Variants in TFAP2A observed in about 807,000 individuals in gnomAD.
TFAP2A encodes transcription factor AP-2-alpha.
TFAP2A carries 7 observed loss-of-function variants against 41.5 expected under a neutral mutation model. The observed-to-expected ratio is 0.17, with a 90% CI of 0.10 to 0.32. The LOEUF (loss-of-function observed/expected upper bound fraction) is 0.32, where lower values mean the gene tolerates loss of function less well. Among genes scored for constraint, TFAP2A ranks in the 10% least tolerant of loss-of-function variants. TFAP2A has a pLI of 1.00. For missense variants in TFAP2A, 416 were observed against 563.3 expected (o/e 0.74, Z 2.65); for synonymous variants, 247 against 242.8 (o/e 1.02, Z -0.16).
chr6:10,409,884 G>T lies in TFAP2A; in HGVS notation c.486+17C>A. On this transcript the variant is annotated intron_variant, in intron 2 of 6. Coordinates refer to ENST00000379613, the MANE Select transcript of TFAP2A (RefSeq NM_001372066.1). Reference sequence around the variant, plus strand: ...GGGGGCTGTGTTCCCTCCCGCGCTGGTTGCGCGGCCTCTTACCGGGACCTC... The same window carrying T: ...GGGGGCTGTGTTCCCTCCCGCGCTGTTTGCGCGGCCTCTTACCGGGACCTC... 1 of 1,548,182 alleles carries T rather than the reference G, an allele frequency of 6.5e-7. No homozygotes were observed.
In TFAP2A at chr6:10,398,068, A is replaced by T; in HGVS notation, c.*349T>A. The T allele has an allele frequency of 3.5e-6, 4 of 1,143,852 alleles. No homozygotes were observed. Among genetic ancestry groups the T allele is most frequent in the South Asian group, 2.8e-5 (1 of 35,812 alleles). The allele number at this position is 1,143,852 out of a possible 1,614,324, so 70.9% of individuals were successfully genotyped here. On this transcript the variant is annotated 3_prime_UTR_variant, in exon 7 of 7. Transcript: ENST00000379613. This position sits in a 1 kb window ranked among gnomAD's most constrained non-coding sequence, Gnocchi z 5.3. ...TTTGTTGTTGTTGTTGCTGTTGTTG[A>T]TTTGTTGTTTTGTTTAAAAAAAAAA...
chr6:10,411,548 CG>C lies in TFAP2A; in HGVS notation c.52-1214del, dbSNP rs764640370. 7 of 1,610,784 alleles carry C rather than the reference CG, an allele frequency of 4.3e-6. No homozygotes were observed. The Middle Eastern group carries it at 5.0e-4, about 114-fold the overall frequency. ...AATCCAATTCCTAAAGAAACAGCAA[CG>C]GGGGTGGGGATGGGACTCACCATGG... On this transcript the variant is annotated intron_variant, in intron 1 of 6. Transcript: ENST00000379613.
intron 4 of TFAP2A, among the ~76,000 whole-genome samples, chr6:10,403,632 T>C (rs576886105): frequency 1.3e-5 from 2 of 152,090 alleles, no homozygotes; most frequent in Non-Finnish European, 2.9e-5. Context: ...TCCGGGTAAG[T>C]TCAACACAAG....
At chr6:10,414,774 C>T (rs1421004589) in intron 1 of TFAP2A, 167 bp downstream of exon 1, 2 of 905,192 alleles carry the variant, frequency 2.2e-6, no homozygotes, top group South Asian at 2.8e-5. Context: ...CCTCTCTCTG[C>T]AGCTTCTCCC....
rs1210141403 is a variant in TFAP2A, at chr6:10,404,279, C to A, written c.770+229G>T. Among the ~76,000 whole-genome samples, 3 of 152,228 alleles carry A rather than the reference C, an allele frequency of 2.0e-5. No homozygotes were observed. In the East Asian group the frequency reaches 5.8e-4, roughly 29 times the overall value. On this transcript the variant is annotated intron_variant, in intron 4 of 6. Transcript: ENST00000379613. ...GCAGCGAACGAAGCGCGCACCAGAA[C>A]TCGCTCGCGGGAAAGCAGCGGAGAG...
intron 1 of TFAP2A, chr6:10,411,801 C>T: frequency 3.5e-6 from 5 of 1,440,162 alleles, no homozygotes; most frequent in Non-Finnish European, 4.6e-6. Flanking sequence ...ATTCGCGCGG[C>T]GCCTTCAGCT....
chr6:10,402,097 C>T (rs987489252), intron 5 of TFAP2A: 7 of 362,988 alleles, frequency 1.9e-5, no homozygotes, highest in Admixed American at 3.8e-5. Context: ...TAAATCAGGA[C>T]GCAGGTCAAA....
intron 5 of TFAP2A, chr6:10,402,072 C>A: frequency 2.8e-6 from 1 of 351,960 alleles, no homozygotes; most frequent in South Asian, 2.2e-5. Flanking sequence ...TAACCCTGAG[C>A]TTTCAGGATG....
upstream of TFAP2A, chr6:10,415,733 G>A (rs1298215697): frequency 2.6e-5 from 4 of 152,436 alleles, no homozygotes; most frequent in African/African-American, 9.7e-5. Flanking sequence ...GACCGGCGAA[G>A]TCACTCCAGG....
chr6:10,415,404 G>T, upstream of TFAP2A: 1 of 568,980 alleles, frequency 1.8e-6, no homozygotes, highest in Non-Finnish European at 2.5e-6. Context: ...TCTACGCCGC[G>T]AACTTGCTTC....
At chr6:10,415,100 G>A, upstream of TFAP2A, 5 of 1,604,934 alleles carry the variant, frequency 3.1e-6, no homozygotes, top group Non-Finnish European at 4.2e-6. Flanking sequence ...AGGAGGAGGA[G>A]GAGGGAGAGG....
At chr6:10,400,726 A>G (rs753893182) in intron 5 of TFAP2A, 137 bp from the exon 6 acceptor site, 1 of 1,053,726 alleles carries the variant, frequency 9.5e-7, no homozygotes, top group South Asian at 1.3e-5. Flanking sequence ...TTCTCATTTC[A>G]GGCATTTTAT....
chr6:10,411,613 G>A lies in TFAP2A; in HGVS notation c.52-1278C>T, dbSNP rs1757973837. On this transcript the variant is annotated intron_variant, in intron 1 of 6. Transcript: ENST00000379613. ...AACTAACATCTGCGAAGAGTCTGGG[G>A]TAACGAGTCAGGGTGGAAAAAAACA... 1.9e-6 allele frequency: 3 copies of A among 1,613,848 alleles called. No homozygotes were observed. In the South Asian group the frequency reaches 3.3e-5, roughly 18 times the overall value.
In TFAP2A at chr6:10,398,591, G is replaced by A. The variant is rs780192295; in HGVS notation, c.1146C>T (p.Asn382=). The A allele has an allele frequency of 6.2e-7, 1 of 1,614,248 alleles. No homozygotes were observed. The highest frequency in any genetic ancestry group is 1.1e-5 in the South Asian group (1 of 91,090). ...PGIQSCLTHF[N]LISHGFGSPA... ...GGCTGCCGAAGCCGTGGGAGATGAGGTTGAAGTGGGTCAAGCAGCTCTGGA... is the reference window on the plus strand; with the variant it reads ...GGCTGCCGAAGCCGTGGGAGATGAGATTGAAGTGGGTCAAGCAGCTCTGGA... The change falls in exon 7 of 7, where the codon AAC becomes AAT. Residue 382 remains asparagine, a synonymous_variant. Coordinates refer to ENST00000379613, the MANE Select transcript of TFAP2A (RefSeq NM_001372066.1). This position sits in a 1 kb window ranked among gnomAD's most constrained non-coding sequence, Gnocchi z 5.3.
At chr6:10,419,605 C>A, upstream of TFAP2A, 1 of 899,314 alleles carries the variant, frequency 1.1e-6, no homozygotes, top group Non-Finnish European at 1.8e-6. Context: ...TACCTGCCGA[C>A]GCATGCGCGC....
Position 10,405,094 on chromosome 6 carries a change from C to T in TFAP2A, c.539-355G>A, listed in dbSNP as rs1026528343. On this transcript the variant is annotated intron_variant, in intron 3 of 6. Coordinates refer to ENST00000379613, the MANE Select transcript of TFAP2A (RefSeq NM_001372066.1). The stretch of plus-strand genomic sequence containing the variant: ...GAGCGGAGTGGGCCCCAGATGAGGT[C>T]CAGGACCACGGGTTCAGGGTGCAGG... The T allele has an allele frequency of 3.4e-5, 11 of 320,104 alleles. No individual in the cohort carries two copies. The Admixed American group carries it at 4.8e-4, about 14-fold the overall frequency. The allele number at this position is 320,104 out of a possible 1,614,324, so 19.8% of individuals were successfully genotyped here. A position where few individuals can be genotyped will look rare whatever the true frequency, so the allele number is the denominator to read the frequency against.
At chr6:10,418,393 T>G (rs1758316296), upstream of TFAP2A, 1 of 152,194 alleles carries the variant, frequency 6.6e-6, no homozygotes, top group East Asian at 1.9e-4. Flanking sequence ...TGGGGGGAAG[T>G]TCAGGGCATT....
chr6:10,408,916 C>T (rs1757830889), intron 2 of TFAP2A, among the ~76,000 whole-genome samples: 2 of 152,178 alleles, frequency 1.3e-5, no homozygotes, highest in Non-Finnish European at 2.9e-5. Context: ...TTTGAAATAG[C>T]ATTTTAGTAA....
upstream of TFAP2A, among the ~76,000 whole-genome samples, chr6:10,417,558 T>C (rs1758293181): frequency 6.6e-6 from 1 of 151,926 alleles, no homozygotes; most frequent in East Asian, 1.9e-4. Flanking sequence ...AGGCCTGGGG[T>C]TGGAGGTCGG....
Sources: gnomAD v4.1 joint callset for allele counts (sites outside exome capture counted in the v4.1 genomes callset) on GRCh38, gnomAD v4.1.1 for gene constraint, Gnocchi (gnomAD v3.1) non-coding constraint, MANE v1.5 for transcripts, NCBI Gene and HGNC (gene_info 2026-07-23, HGNC 2026-07-21) for gene names.